ZNF101: variants seen among roughly 807,000 people sequenced by gnomAD.
ZNF101 encodes the protein zinc finger protein 101, also known as zinc finger protein 101 (Y2).
Under a neutral mutation model 42.6 loss-of-function variants are expected in ZNF101, and 34 were observed. That is an observed-to-expected ratio of 0.80 (90% confidence interval 0.61 to 1.06). The LOEUF (loss-of-function observed/expected upper bound fraction) is 1.06, where lower values mean the gene tolerates loss of function less well. ZNF101 is among the 50% of genes least tolerant of loss of function. ZNF101 has a pLI of 0.00. For synonymous variants in ZNF101, 158 were observed against 183.9 expected, an observed-to-expected ratio of 0.86 and a Z score of 1.14; for missense variants, 466 against 530.9, an observed-to-expected ratio of 0.88 and a Z score of 1.20.
intron 1 of ZNF101, chr19:19,676,575 C>T (rs1412103118): frequency 1.3e-5 from 2 of 151,890 alleles, no homozygotes; most frequent in Non-Finnish European, 2.9e-5. Flanking sequence ...AATTCCTGCA[C>T]ACCAGGTGGT....
rs1192920924 is a variant in ZNF101, at chr19:19,683,459, TATG to T, written c.*3163_*3165del. ...GAAAGCATTTAGTCTCCTGATCAAG[TATG>T]ATGTTAGCTGCAGGTTTTTAATAAA... is the stretch of plus-strand genomic sequence containing the variant. On this transcript the variant is annotated 3_prime_UTR_variant, in exon 4 of 4. Coordinates refer to ENST00000592502, the MANE Select transcript of ZNF101 (RefSeq NM_033204.4). 1 of 152,180 alleles carries T rather than the reference TATG, an allele frequency of 6.6e-6. No homozygotes were observed. The highest frequency in any genetic ancestry group is 1.5e-5 in the Non-Finnish European group (1 of 68,026). 9.4% of individuals were successfully genotyped at this position (152,180 alleles called of 1,614,324 possible).
At chr19:19,674,647 G>A (rs1599450447) in intron 1 of ZNF101, among the ~76,000 whole-genome samples, 1 of 152,198 alleles carries the variant, frequency 6.6e-6, no homozygotes, top group Middle Eastern at 3.4e-3. Flanking sequence ...TGTAGTGTCT[G>A]TCTTTGGTGT....
At chr19:19,677,659 C>T in intron 1 of ZNF101, 1 of 721,976 alleles carries the variant, frequency 1.4e-6, no homozygotes, top group African/African-American at 1.8e-5. Flanking sequence ...GGTGGTCCTC[C>T]TCTGTGGCTG....
chr19:19,677,841 T>C, intron 1 of ZNF101, 23 bp from the exon 2 acceptor site: 1 of 1,607,404 alleles, frequency 6.2e-7, no homozygotes. Context: ...CCCCTCCTCC[T>C]CCACACCTGT....
At chr19:19,674,890 G>A (rs34182350) in intron 1 of ZNF101, among the ~76,000 whole-genome samples, 9 of 151,606 alleles carry the variant, frequency 5.9e-5, no homozygotes, top group Non-Finnish European at 1.2e-4. Flanking sequence ...GCGCCATCTC[G>A]GCTCACTGCA....
rs2062242434 is a variant in ZNF101, at chr19:19,681,957, C to T, written c.*1657C>T. ...TTTTTTTTTGAGATGGAGTTTTGCCCTGTCGCCCAGGCTGGAGTGCAGTGG... is the reference window on the plus strand; with the variant it reads ...TTTTTTTTTGAGATGGAGTTTTGCCTTGTCGCCCAGGCTGGAGTGCAGTGG... On this transcript the variant is annotated 3_prime_UTR_variant, in exon 4 of 4. Transcript: ENST00000592502. 2 of 145,412 alleles carry T rather than the reference C, an allele frequency of 1.4e-5. No homozygotes were observed. Among genetic ancestry groups the T allele is most frequent in the South Asian group, 2.2e-4 (1 of 4,606 alleles). 9.0% of individuals were successfully genotyped at this position (145,412 alleles called of 1,614,324 possible).
chr19:19,682,117 G>A lies in ZNF101; in HGVS notation c.*1817G>A, dbSNP rs1352252784. On this transcript the variant is annotated 3_prime_UTR_variant, in exon 4 of 4. Coordinates refer to ENST00000592502, the MANE Select transcript of ZNF101 (RefSeq NM_033204.4). ...TTTTTGTATTTTTAGTAGAGACGGG[G>A]CTTCACCATGTGGTTCAGGCTGGTC... is the stretch of plus-strand genomic sequence containing the variant. 1.3e-5 allele frequency: 2 copies of A among 151,638 alleles called. No individual in the cohort carries two copies. Among genetic ancestry groups the A allele is most frequent in the Non-Finnish European group, 2.9e-5 (2 of 67,962 alleles). 9.4% of individuals were successfully genotyped at this position (151,638 alleles called of 1,614,324 possible). A position where few individuals can be genotyped will look rare whatever the true frequency, so the allele number is the denominator to read the frequency against.
intron 1 of ZNF101, among the ~76,000 whole-genome samples, chr19:19,673,248 C>CTTTTT (rs34694853): frequency 5.2e-5 from 6 of 116,128 alleles, no homozygotes; most frequent in African/African-American, 3.3e-5. Flanking sequence ...AATGTGCTGG[C>CTTTTT]TTTTTTTTTT....
chr19:19,679,531 C>A lies in ZNF101; in HGVS notation c.542C>A (p.Pro181His). The A allele has an allele frequency of 6.2e-7, 1 of 1,614,128 alleles. No individual in the cohort carries two copies. Among genetic ancestry groups the A allele is most frequent in the Non-Finnish European group, 8.5e-7 (1 of 1,180,036 alleles). The change falls in exon 4 of 4, where the codon CCC becomes CAC. Residue 181 changes from proline (P) to histidine (H), a missense_variant. Transcript: ENST00000592502. ...GTGTGCGGGAAAGCCTTTAATTCTC[C>A]CAATTTATTTCAAATCCATCAAAGA... ...CKVCGKAFNS[P>H]NLFQIHQRTH...
At chr19:19,675,438 A>AT (rs905154856) in intron 1 of ZNF101, among the ~76,000 whole-genome samples, 28 of 148,758 alleles carry the variant, frequency 1.9e-4, no homozygotes, top group South Asian at 1.1e-3. Flanking sequence ...GTGCCTGGCT[A>AT]TTTTTTTTTT....
At position 19,682,269 on chromosome 19, in the gene ZNF101, G is replaced by C. The variant is rs2062244202; in HGVS notation, c.*1969G>C. 6.6e-6 allele frequency: 1 copy of C among 151,246 alleles called. No homozygotes were observed. The highest frequency in any genetic ancestry group is 6.6e-5 in the Admixed American group (1 of 15,090). 9.4% of individuals were successfully genotyped at this position (151,246 alleles called of 1,614,324 possible). ...CAGTCTCACTCTGTTGCCCAGGCTA[G>C]AGTGCAGTGGCGCGATCTTGACTCA... On this transcript the variant is annotated 3_prime_UTR_variant, in exon 4 of 4. Coordinates refer to ENST00000592502, the MANE Select transcript of ZNF101 (RefSeq NM_033204.4).
intron 1 of ZNF101, among the ~76,000 whole-genome samples, chr19:19,673,208 C>T (rs1413283161): frequency 6.6e-6 from 1 of 151,166 alleles, no homozygotes; most frequent in Non-Finnish European, 1.5e-5. Flanking sequence ...GCCTTGGCCT[C>T]CCAAAGTGGT....
Position 19,683,498 on chromosome 19 carries a change from C to T in ZNF101, c.*3198C>T, listed in dbSNP as rs2062249409. The T allele has an allele frequency of 6.6e-6, 1 of 151,970 alleles. No individual in the cohort carries two copies. The highest frequency in any genetic ancestry group is 2.4e-5 in the African/African-American group (1 of 41,400). 9.4% of individuals were successfully genotyped at this position (151,970 alleles called of 1,614,324 possible). ...CAGGTTTTTAATAAATGCCTTAATT[C>T]AGTTTGAAGAAGTTCCCTTCTGTTC... On this transcript the variant is annotated 3_prime_UTR_variant, in exon 4 of 4. Coordinates refer to ENST00000592502, the MANE Select transcript of ZNF101 (RefSeq NM_033204.4).
intron 1 of ZNF101, among the ~76,000 whole-genome samples, chr19:19,675,628 C>A (rs1436906907): frequency 6.6e-6 from 1 of 152,124 alleles, no homozygotes; most frequent in Non-Finnish European, 1.5e-5. Context: ...TTGTCCTCTG[C>A]TGTATGTATG....
chr19:19,670,641 C>A (rs2062162473), intron 1 of ZNF101, among the ~76,000 whole-genome samples: 2 of 152,216 alleles, frequency 1.3e-5, no homozygotes, highest in East Asian at 3.9e-4. Context: ...CCTGTAGTCT[C>A]AGCTACTCAG....
At position 19,679,758 on chromosome 19, in the gene ZNF101, CAAT is replaced by C; in HGVS notation, c.770_772del (p.Gln257_Cys258delinsArg). The C allele has an allele frequency of 6.2e-7, 1 of 1,613,570 alleles. No individual in the cohort carries two copies. The highest frequency in any genetic ancestry group is 8.5e-7 in the Non-Finnish European group (1 of 1,179,838). On this transcript the variant is annotated inframe_deletion, in exon 4 of 4. Coordinates refer to ENST00000592502, the MANE Select transcript of ZNF101 (RefSeq NM_033204.4). ...TGGAGAAAAACCTTACAAATGTAAA[CAAT>C]GTGGTAAAGCCTTCATTTCCGCAGG...
rs1401192173 is a variant in ZNF101, at chr19:19,681,992, G to C, written c.*1692G>C. On this transcript the variant is annotated 3_prime_UTR_variant, in exon 4 of 4. Transcript: ENST00000592502. ...GGCTGGAGTGCAGTGGCACAATCTC[G>C]GCTCACTGCAACCTCCGCCTCCTGG... 1.4e-5 allele frequency: 2 copies of C among 141,256 alleles called. No individual in the cohort carries two copies. Among genetic ancestry groups the C allele is most frequent in the South Asian group, 2.2e-4 (1 of 4,530 alleles). The allele number at this position is 141,256 out of a possible 1,614,324, so 8.8% of individuals were successfully genotyped here.
rs2304130 is a variant in ZNF101 at position 19,678,719 on chromosome 19, A to G, written c.131-7A>G. 147,806 of 1,598,448 alleles carry G rather than the reference A, an allele frequency of 0.092. 7,870 individuals carry two copies. Among genetic ancestry groups the G allele is most frequent in the African/African-American group, 0.19 (14,232 of 74,122 alleles). On this transcript the variant is annotated splice_region_variant and splice_polypyrimidine_tract_variant and intron_variant, in intron 2 of 3. Transcript: ENST00000592502. ...TTCATAATAATTTCTCTGGGTCTAC[A>G]TTTTAGGAATCCAATGGAAAGACCA...
rs377650275 is a variant in ZNF101, at chr19:19,668,913, G to T, written c.-51G>T. On this transcript the variant is annotated 5_prime_UTR_variant, in exon 1 of 4. Coordinates refer to ENST00000592502, the MANE Select transcript of ZNF101 (RefSeq NM_033204.4). The stretch of plus-strand genomic sequence containing the variant: ...CGGCTGATTTTGTCGTGTGGGACCT[G>T]TTCTGGCTGCTCCAGCCCCAGGAAG... 6.4e-7 allele frequency: 1 copy of T among 1,568,184 alleles called. No homozygotes were observed.
Sources: gnomAD v4.1 joint callset for allele counts (sites outside exome capture counted in the v4.1 genomes callset) on GRCh38, gnomAD v4.1.1 for gene constraint, MANE v1.5 for transcripts, NCBI Gene and HGNC (gene_info 2026-07-23, HGNC 2026-07-21) for gene names.